ST3GAL1: variants seen among roughly 807,000 people sequenced by gnomAD.
The protein encoded by ST3GAL1 is ST3 beta-galactoside alpha-2,3-sialyltransferase 1.
A neutral mutation model predicts 34.1 loss-of-function variants in ST3GAL1; 16 were observed. The ratio of observed to expected loss-of-function variants is 0.47; its 90% CI spans 0.32 to 0.71. The LOEUF is 0.71. Among genes scored for constraint, ST3GAL1 ranks in the 30% least tolerant of loss-of-function variants. ST3GAL1 has a pLI of 0.04. For missense variants in ST3GAL1, 353 were observed against 447.4 expected (o/e 0.79, Z 1.90); for synonymous variants, 191 against 184.7 (o/e 1.03, Z -0.28).
At position 133,456,456 on chromosome 8, in the gene ST3GAL1, G is replaced by A. The variant is rs1815305507; in HGVS notation, c.*3308C>T. On this transcript the variant is annotated 3_prime_UTR_variant, in exon 10 of 10. Coordinates refer to ENST00000522652, the MANE Select transcript of ST3GAL1 (RefSeq NM_173344.3). ...CTGTCTGCAGAGTAGAAAGAGCTGT[G>A]GGCTGGGAATCAGGGGCCTGAGGGA... 6.6e-6 allele frequency: 1 copy of A among 152,246 alleles called. No homozygotes were observed. Among genetic ancestry groups the A allele is most frequent in the Admixed American group, 6.5e-5 (1 of 15,286 alleles). The allele number at this position is 152,246 out of a possible 1,614,324, so 9.4% of individuals were successfully genotyped here. A position where few individuals can be genotyped will look rare whatever the true frequency, so the allele number is the denominator to read the frequency against.
chr8:133,468,782 T>C (rs1380699348), intron 5 of ST3GAL1, among the ~76,000 whole-genome samples: 1 of 152,156 alleles, frequency 6.6e-6, no homozygotes, highest in African/African-American at 2.4e-5. Flanking sequence ...GGTTTAAAGC[T>C]GGCCCCGAAA....
chr8:133,477,974 A>G (rs917550527), intron 3 of ST3GAL1, among the ~76,000 whole-genome samples: 1 of 152,206 alleles, frequency 6.6e-6, no homozygotes, highest in Non-Finnish European at 1.5e-5. Flanking sequence ...TCCAGGGCCC[A>G]AGATGCATAG....
chr8:133,461,994 T>A lies in ST3GAL1; in HGVS notation c.730A>T (p.Ile244Phe). ...PAKIRVKQDK[I>F]LIYHPAFIKY... ...ATGAAGGCTGGGTGGTAGATCAGGA[T>A]CTGCGGGGATGGGAAGACACGGCCC... The change falls in exon 9 of 10, where the codon ATC becomes TTC. Residue 244 changes from isoleucine (I) to phenylalanine (F), a missense_variant and splice_region_variant. Coordinates refer to ENST00000522652, the MANE Select transcript of ST3GAL1 (RefSeq NM_173344.3). The surrounding 1 kb of genome is among the most constrained non-coding windows in gnomAD (Gnocchi z 4.7). 1.2e-6 allele frequency: 2 copies of A among 1,614,000 alleles called. No individual in the cohort carries two copies. The highest frequency in any genetic ancestry group is 1.7e-6 in the Non-Finnish European group (2 of 1,179,968).
At chr8:133,523,588 A>G (rs1360877503) in intron 2 of ST3GAL1, among the ~76,000 whole-genome samples, 1 of 152,224 alleles carries the variant, frequency 6.6e-6, no homozygotes, top group African/African-American at 2.4e-5. Flanking sequence ...TGGAATGGCC[A>G]CTTGTCCTGC....
At chr8:133,483,713 G>A (rs929755127) in intron 3 of ST3GAL1, among the ~76,000 whole-genome samples, 2 of 152,146 alleles carry the variant, frequency 1.3e-5, no homozygotes, top group African/African-American at 2.4e-5. Flanking sequence ...GGACCTGCAG[G>A]AAGGAGCTCC....
intron 1 of ST3GAL1, among the ~76,000 whole-genome samples, chr8:133,546,310 C>T (rs1226526892): frequency 1.3e-5 from 2 of 151,684 alleles, no homozygotes; most frequent in Non-Finnish European, 1.5e-5. Context: ...TGGTGAAACC[C>T]CATCTGTACT....
chr8:133,569,792 A>C (rs1441951305), intron 1 of ST3GAL1, among the ~76,000 whole-genome samples: 2 of 152,232 alleles, frequency 1.3e-5, no homozygotes, highest in Non-Finnish European at 2.9e-5. Flanking sequence ...GGCAGGGGGC[A>C]GTGCACCTTG....
intron 7 of ST3GAL1, among the ~76,000 whole-genome samples, chr8:133,464,404 C>T (rs2130920985): frequency 6.6e-6 from 1 of 152,278 alleles, no homozygotes; most frequent in African/African-American, 2.4e-5. Context: ...CTCACCCTGC[C>T]ACGCTCACAT....
At chr8:133,563,662 A>G (rs924523021) in intron 1 of ST3GAL1, among the ~76,000 whole-genome samples, 2 of 152,224 alleles carry the variant, frequency 1.3e-5, no homozygotes, top group African/African-American at 2.4e-5. Context: ...AACTAGCTCC[A>G]GTAAGGAATT....
At chr8:133,541,152 G>GAGAGAGAGAC (rs1159713676) in intron 2 of ST3GAL1, among the ~76,000 whole-genome samples, 10 of 136,648 alleles carry the variant, frequency 7.3e-5, no homozygotes, top group South Asian at 2.4e-4. Context: ...GAGAGAGAGA[G>GAGAGAGAGAC]ACTGTGTGTC....
intron 1 of ST3GAL1, among the ~76,000 whole-genome samples, chr8:133,547,114 C>T (rs72720282): frequency 0.017 from 2,585 of 152,314 alleles, 30 homozygotes; most frequent in Non-Finnish European, 0.025. Flanking sequence ...CCTGCACGCA[C>T]ACTCTGCAGT....
chr8:133,470,329 G>A (rs1815901515), intron 5 of ST3GAL1, among the ~76,000 whole-genome samples: 1 of 151,716 alleles, frequency 6.6e-6, no homozygotes, highest in Non-Finnish European at 1.5e-5. Flanking sequence ...TGAGGCAGGA[G>A]AATCACTTGA....
intron 3 of ST3GAL1, among the ~76,000 whole-genome samples, chr8:133,488,967 T>G (rs1330401191): frequency 6.6e-6 from 1 of 152,186 alleles, no homozygotes; most frequent in African/African-American, 2.4e-5. Flanking sequence ...GAGAGGGAAC[T>G]GGGGACAGGC....
chr8:133,467,528 G>C lies in ST3GAL1; in HGVS notation c.307-1438C>G, dbSNP rs1182104182. Among the ~76,000 whole-genome samples, 1 of 152,202 alleles carries C rather than the reference G, an allele frequency of 6.6e-6. No homozygotes were observed. The highest frequency in any genetic ancestry group is 2.4e-5 in the African/African-American group (1 of 41,462). On this transcript the variant is annotated intron_variant, in intron 5 of 9. Transcript: ENST00000522652. The surrounding 1 kb of genome is among the most constrained non-coding windows in gnomAD (Gnocchi z 4.2). ...AATACAAACCAGGATTTGAACCCAG[G>C]CTTCTAGAAACCCACCAGCAGGTTT...
intron 2 of ST3GAL1, among the ~76,000 whole-genome samples, chr8:133,513,184 C>G (rs1196342492): frequency 6.6e-6 from 1 of 152,182 alleles, no homozygotes; most frequent in African/African-American, 2.4e-5. Flanking sequence ...AGTGCTACCC[C>G]CACCCCAGCC....
At chr8:133,478,934 G>C (rs1372142258) in intron 3 of ST3GAL1, among the ~76,000 whole-genome samples, 5 of 152,194 alleles carry the variant, frequency 3.3e-5, no homozygotes, top group African/African-American at 1.2e-4. Flanking sequence ...TGAATGAAGG[G>C]AAACAAAACG....
chr8:133,548,017 T>C (rs1271899235), intron 1 of ST3GAL1, among the ~76,000 whole-genome samples: 1 of 152,210 alleles, frequency 6.6e-6, no homozygotes, highest in Admixed American at 6.5e-5. Flanking sequence ...ATGTGTGGTG[T>C]TGACTATAAA....
chr8:133,467,292 T>G lies in ST3GAL1; in HGVS notation c.307-1202A>C, dbSNP rs1362710863. Among the ~76,000 whole-genome samples the G allele has an allele frequency of 1.3e-5, 2 of 152,218 alleles. No individual in the cohort carries two copies. The highest frequency in any genetic ancestry group is 2.4e-5 in the African/African-American group (1 of 41,466). ...GGTTTCACTATTGGCCCCCGCTGCATGCCCAGGCCCGCCCGTCACCTCAGG... is the reference window on the plus strand; with the variant it reads ...GGTTTCACTATTGGCCCCCGCTGCAGGCCCAGGCCCGCCCGTCACCTCAGG... On this transcript the variant is annotated intron_variant, in intron 5 of 9. Coordinates refer to ENST00000522652, the MANE Select transcript of ST3GAL1 (RefSeq NM_173344.3). The surrounding 1 kb of genome is among the most constrained non-coding windows in gnomAD (Gnocchi z 4.2).
chr8:133,488,650 C>T (rs1816688178), intron 3 of ST3GAL1, among the ~76,000 whole-genome samples: 2 of 152,180 alleles, frequency 1.3e-5, no homozygotes, highest in African/African-American at 4.8e-5. Flanking sequence ...GCCTTCAGTG[C>T]CACGAGCAGA....
Sources: allele counts gnomAD v4.1 joint callset (sites outside exome capture counted in the v4.1 genomes callset), GRCh38; gene constraint gnomAD v4.1.1; non-coding constraint Gnocchi (gnomAD v3.1); transcripts MANE v1.5; gene names NCBI Gene and HGNC (gene_info 2026-07-23, HGNC 2026-07-21).